The following CGNL1 variants were observed in gnomAD, a reference collection of about 807,000 sequenced individuals.
CGNL1 encodes cingulin like 1, also known as cingulin-like protein 1.
Under a neutral mutation model 141.2 loss-of-function variants are expected in CGNL1, and 132 were observed. That is an observed-to-expected ratio of 0.93 (90% CI 0.81 to 1.08). The LOEUF (loss-of-function observed/expected upper bound fraction) is 1.08. Ranked by LOEUF, CGNL1 falls within the 50% of genes least tolerant of loss-of-function variation. CGNL1 has a pLI of 0.00. For synonymous variants in CGNL1, 690 were observed against 622.1 expected (o/e 1.11, Z -1.63); for missense variants, 1,870 against 1,588.6 (o/e 1.18, Z -3.01).
At chr15:57,512,611 T>C (rs2030412001) in intron 8 of CGNL1, among the ~76,000 whole-genome samples, 1 of 152,230 alleles carries the variant, frequency 6.6e-6, no homozygotes. Flanking sequence ...CTGCCAGCCA[T>C]AAGCTGAGTG....
chr15:57,528,116 G>T (rs150663515), intron 12 of CGNL1, among the ~76,000 whole-genome samples: 9 of 152,266 alleles, frequency 5.9e-5, no homozygotes, highest in East Asian at 5.8e-4. Flanking sequence ...AATTAGCTCA[G>T]TGTGGTGGCA....
chr15:57,493,361 A>G (rs8037752), intron 8 of CGNL1, among the ~76,000 whole-genome samples: 3,109 of 152,222 alleles, frequency 0.02, 105 homozygotes, highest in African/African-American at 0.071. Context: ...GGAGCTTTCT[A>G]GTGATGGATG....
At chr15:57,440,304 G>C in intron 2 of CGNL1, 73 bp from the exon 3 acceptor site, 2 of 1,067,722 alleles carry the variant, frequency 1.9e-6, no homozygotes, top group Non-Finnish European at 2.8e-6. Flanking sequence ...ATGCTCACTG[G>C]AGGAATTGTT....
chr15:57,482,800 T>C (rs915222915), intron 8 of CGNL1, among the ~76,000 whole-genome samples: 3 of 152,102 alleles, frequency 2.0e-5, no homozygotes, highest in Admixed American at 1.3e-4. Context: ...TTTTTTTTTT[T>C]TGAGATGGAG....
chr15:57,490,570 C>A (rs1412080767), intron 8 of CGNL1, among the ~76,000 whole-genome samples: 1 of 152,094 alleles, frequency 6.6e-6, no homozygotes, highest in Non-Finnish European at 1.5e-5. Flanking sequence ...ACTGATGTAA[C>A]AAGTAAATGA....
intron 1 of CGNL1, among the ~76,000 whole-genome samples, chr15:57,380,369 T>C (rs1567083660): frequency 6.6e-6 from 1 of 152,130 alleles, no homozygotes; most frequent in Non-Finnish European, 1.5e-5. Flanking sequence ...AGCTATGTAT[T>C]ACCCAGAGTT....
chr15:57,433,650 C>A (rs2063071360), intron 1 of CGNL1, among the ~76,000 whole-genome samples: 1 of 152,186 alleles, frequency 6.6e-6, no homozygotes, highest in Admixed American at 6.5e-5. Flanking sequence ...AGACCCTACA[C>A]CCTGTCCCTG....
chr15:57,475,520 TG>T (rs1482177613), intron 8 of CGNL1, among the ~76,000 whole-genome samples: 2 of 151,556 alleles, frequency 1.3e-5, no homozygotes, highest in Non-Finnish European at 2.9e-5. Context: ...TGTGTGTGTG[TG>T]TGTGTGTGTG....
intron 9 of CGNL1, among the ~76,000 whole-genome samples, chr15:57,517,940 G>A (rs1000053863): frequency 2.0e-5 from 3 of 151,444 alleles, no homozygotes; most frequent in Non-Finnish European, 2.9e-5. Context: ...GTGTGTGGGG[G>A]TCCATTCAAT....
At chr15:57,539,429 T>A (rs1277937256) in intron 14 of CGNL1, among the ~76,000 whole-genome samples, 1 of 152,156 alleles carries the variant, frequency 6.6e-6, no homozygotes, top group Non-Finnish European at 1.5e-5. Flanking sequence ...CGATGTCCAC[T>A]GGTTGTGACT....
intron 1 of CGNL1, among the ~76,000 whole-genome samples, chr15:57,422,925 T>A (rs1326138526): frequency 1.3e-5 from 2 of 152,168 alleles, no homozygotes; most frequent in Non-Finnish European, 2.9e-5. Context: ...GTGTGTTAGA[T>A]GGTCCCCAAA....
chr15:57,486,070 G>C (rs545453363), intron 8 of CGNL1, among the ~76,000 whole-genome samples: 1 of 152,282 alleles, frequency 6.6e-6, no homozygotes, highest in East Asian at 1.9e-4. Flanking sequence ...GGTGAGTCAG[G>C]AGCAGGGCCC....
intron 1 of CGNL1, among the ~76,000 whole-genome samples, chr15:57,386,150 A>T (rs1343196605): frequency 1.3e-5 from 2 of 152,222 alleles, no homozygotes; most frequent in African/African-American, 4.8e-5. Flanking sequence ...ACTTGCTTGC[A>T]TCGTTTACAT....
At chr15:57,531,873 A>G in intron 14 of CGNL1, 94 bp downstream of exon 14, 1 of 762,740 alleles carries the variant, frequency 1.3e-6, no homozygotes, top group Non-Finnish European at 2.3e-6. Context: ...TCCAGGAGAG[A>G]AAAATTCATG....
chr15:57,455,420 T>C (rs2063367396), intron 7 of CGNL1, among the ~76,000 whole-genome samples: 1 of 152,214 alleles, frequency 6.6e-6, no homozygotes, highest in Non-Finnish European at 1.5e-5. Context: ...TCTTAGCTCT[T>C]GGGAAGTCTC....
intron 3 of CGNL1, among the ~76,000 whole-genome samples, chr15:57,440,885 C>T (rs1206151455): frequency 6.6e-6 from 1 of 151,870 alleles, no homozygotes; most frequent in Non-Finnish European, 1.5e-5. Context: ...GCCAAGAGCC[C>T]CTGCTTCCAT....
intron 1 of CGNL1, chr15:57,377,113 C>G (rs535424685): frequency 2.2e-4 from 33 of 152,420 alleles, no homozygotes; most frequent in African/African-American, 7.7e-4. Flanking sequence ...AGCACACATT[C>G]TAGCTCTCCC....
intron 8 of CGNL1, among the ~76,000 whole-genome samples, chr15:57,514,854 G>T (rs557422480): frequency 6.6e-6 from 1 of 152,186 alleles, no homozygotes; most frequent in African/African-American, 2.4e-5. Flanking sequence ...TTTGTTGAAG[G>T]CTATTCTTTC....
In CGNL1 at chr15:57,453,726, A is replaced by G. The variant is rs2063347163; in HGVS notation, c.2098A>G (p.Ile700Val). The G allele has an allele frequency of 6.2e-7, 1 of 1,613,926 alleles. No individual in the cohort carries two copies. The change falls in exon 7 of 19, where the codon ATC becomes GTC. Residue 700 changes from isoleucine (I) to valine (V), a missense_variant. Physicochemically the swap from Ile to Val is conservative, Grantham distance 29. Coordinates refer to ENST00000281282, the MANE Select transcript of CGNL1 (RefSeq NM_032866.5). ...KMEREQHQTEIRDLQDQLSEM... is the reference protein window; with the variant it reads ...KMEREQHQTEVRDLQDQLSEM... ...GGAACGGGAGCAGCATCAGACTGAG[A>G]TCAGGGATCTCCAGGACCAGCTCTC...
Sources: allele counts gnomAD v4.1 joint callset (sites outside exome capture counted in the v4.1 genomes callset), GRCh38; gene constraint gnomAD v4.1.1; transcripts MANE v1.5; gene names NCBI Gene and HGNC (gene_info 2026-07-23, HGNC 2026-07-21).